Variants in SARNP observed in about 807,000 individuals in gnomAD.
The protein encoded by SARNP is SAP domain containing ribonucleoprotein, also known as SAP domain-containing ribonucleoprotein.
In SARNP, 5 loss-of-function variants were observed where a neutral mutation model predicts 38.1. The observed-to-expected ratio is 0.13, with a 90% confidence interval of 0.07 to 0.28. The LOEUF (loss-of-function observed/expected upper bound fraction) is 0.28. Ranked by LOEUF, SARNP falls within the 10% of genes least tolerant of loss-of-function variation. The pLI, the probability that SARNP is intolerant of heterozygous loss-of-function variation, is 1.00. For synonymous variants in SARNP, 84 were observed against 80.6 expected (o/e 1.04, Z -0.23); for missense variants, 180 against 243.9 (o/e 0.74, Z 1.75).
intron 1 of SARNP, among the ~76,000 whole-genome samples, chr12:55,804,356 G>A (rs533761426): frequency 1.3e-5 from 2 of 151,506 alleles, no homozygotes; most frequent in South Asian, 4.2e-4. Context: ...CAGACAATAG[G>A]AGGAAGGAGA....
At chr12:55,790,959 G>C (rs1303806998) in intron 7 of SARNP, among the ~76,000 whole-genome samples, 1 of 152,178 alleles carries the variant, frequency 6.6e-6, no homozygotes, top group Non-Finnish European at 1.5e-5. Context: ...CCCATCAACT[G>C]ATGACTGGCT....
intron 9 of SARNP, among the ~76,000 whole-genome samples, chr12:55,765,181 A>G (rs984756485): frequency 2.0e-5 from 3 of 152,180 alleles, no homozygotes; most frequent in Admixed American, 6.5e-5. Context: ...CACAGAGGAG[A>G]TAAGACTTTT....
intron 9 of SARNP, among the ~76,000 whole-genome samples, chr12:55,772,536 G>A (rs1879037691): frequency 6.6e-6 from 1 of 151,984 alleles, no homozygotes; most frequent in Non-Finnish European, 1.5e-5. Context: ...GCTGATTGTA[G>A]GACAAAGCAA....
chr12:55,789,183 C>G (rs781721220), intron 8 of SARNP, 40 bp from the exon 9 acceptor site: 48 of 1,435,030 alleles, frequency 3.3e-5, no homozygotes, highest in Non-Finnish European at 4.3e-5. Context: ...TTTAAAAAAT[C>G]AAAACGGAAA....
Position 55,803,661 on chromosome 12 carries a change from A to G in SARNP, c.104T>C (p.Ile35Thr). Residue 35 changes from isoleucine (I) to threonine (T), a missense_variant, in exon 2 of 11, where the codon ATC becomes ACC. This residue lies in a region of SARNP where 161 missense variants were observed against 194.1 expected (regional missense o/e 0.83). Transcript: ENST00000336133. ...LETKGIKQDL[I>T]HRLQAYLEEH... The stretch of plus-strand genomic sequence containing the variant: ...TTCAAGATATGCCTGGAGTCTGTGG[A>G]TAAGATCTTGCTTTATTCCCTTGGT... 1 of 1,613,484 alleles carries G rather than the reference A, an allele frequency of 6.2e-7. No homozygotes were observed. Among genetic ancestry groups the G allele is most frequent in the Non-Finnish European group, 8.5e-7 (1 of 1,179,538 alleles).
At position 55,817,720 on chromosome 12, in the gene SARNP, A is replaced by G. The variant is rs1484304259; in HGVS notation, c.-19T>C. The G allele has an allele frequency of 6.2e-7, 1 of 1,608,310 alleles. No individual in the cohort carries two copies. Among genetic ancestry groups the G allele is most frequent in the Admixed American group, 1.7e-5 (1 of 58,360 alleles). Reference sequence around the variant, plus strand: ...TCGCCATCTTGTTACCCCTCACTCCACTAGGCCCCCACCCGCGGCCTCCGC... The same window carrying G: ...TCGCCATCTTGTTACCCCTCACTCCGCTAGGCCCCCACCCGCGGCCTCCGC... On this transcript the variant is annotated 5_prime_UTR_variant, in exon 1 of 11. Transcript: ENST00000336133.
intron 9 of SARNP, among the ~76,000 whole-genome samples, chr12:55,766,823 T>C (rs1878851414): frequency 6.6e-6 from 1 of 152,136 alleles, no homozygotes; most frequent in Admixed American, 6.5e-5. Context: ...GGTTTCACCA[T>C]GTTGCCCAGG....
intron 9 of SARNP, among the ~76,000 whole-genome samples, chr12:55,775,927 C>T (rs1879168319): frequency 6.6e-6 from 1 of 152,156 alleles, no homozygotes; most frequent in South Asian, 2.1e-4. Context: ...CCCATTCTGC[C>T]ATTGCTCTCA....
At chr12:55,756,420 G>C (rs1231187149), downstream of SARNP, 1 of 152,146 alleles carries the variant, frequency 6.6e-6, no homozygotes, top group Non-Finnish European at 1.5e-5. Context: ...CTTGACATTA[G>C]AAAGGTGATC....
At chr12:55,793,808 A>G (rs966561743) in intron 7 of SARNP, 3 of 152,508 alleles carry the variant, frequency 2.0e-5, no homozygotes, top group African/African-American at 7.2e-5. Context: ...ATATCTTTCA[A>G]TATTATTTCA....
intron 4 of SARNP, among the ~76,000 whole-genome samples, chr12:55,797,175 T>C (rs1457875807): frequency 6.6e-6 from 1 of 152,204 alleles, no homozygotes; most frequent in East Asian, 1.9e-4. Context: ...AAGGTAGTAA[T>C]GGTTTAATGA....
chr12:55,800,812 G>A lies in SARNP; in HGVS notation c.183+42C>T, dbSNP rs1376463709. The A allele has an allele frequency of 8.4e-6, 13 of 1,539,612 alleles. No homozygotes were observed. In the African/African-American group the frequency reaches 1.5e-4, roughly 18 times the overall value. ...ATGTTAAAGCAATGTGGCCAAAGCA[G>A]TGGCACATTACCAGAGACTAACCTT... On this transcript the variant is annotated intron_variant, in intron 3 of 10. Coordinates refer to ENST00000336133, the MANE Select transcript of SARNP (RefSeq NM_033082.4).
At chr12:55,788,341 T>G (rs954563777) in intron 9 of SARNP, among the ~76,000 whole-genome samples, 1 of 152,196 alleles carries the variant, frequency 6.6e-6, no homozygotes, top group East Asian at 1.9e-4. Context: ...TTTTTTTTTT[T>G]GTTCCACCAA....
intron 9 of SARNP, among the ~76,000 whole-genome samples, chr12:55,761,378 G>C (rs1177852762): frequency 6.6e-6 from 1 of 152,134 alleles, no homozygotes; most frequent in African/African-American, 2.4e-5. Context: ...GAAAGAAAGG[G>C]GAAGAGGGCC....
intron 1 of SARNP, among the ~76,000 whole-genome samples, chr12:55,814,574 A>C (rs1488771434): frequency 2.0e-5 from 3 of 152,140 alleles, no homozygotes; most frequent in Non-Finnish European, 2.9e-5. Flanking sequence ...TCTCTTTCCA[A>C]ATGTGTTAGT....
In SARNP at chr12:55,763,550, C is replaced by T. The variant is rs185730583; in HGVS notation, c.502-2910G>A. On this transcript the variant is annotated intron_variant, in intron 9 of 10. Transcript: ENST00000336133. ...CTCGAACTCCTGACCTCAGGTGATCCGCCCACTTCGCCTTCCAAAGTGTTG... is the reference window on the plus strand; with the variant it reads ...CTCGAACTCCTGACCTCAGGTGATCTGCCCACTTCGCCTTCCAAAGTGTTG... Among the ~76,000 whole-genome samples, 13 of 152,266 alleles carry T rather than the reference C, an allele frequency of 8.5e-5. No individual in the cohort carries two copies. The East Asian group carries it at 2.3e-3, about 27-fold the overall frequency.
At chr12:55,815,716 G>T (rs546963648) in intron 1 of SARNP, among the ~76,000 whole-genome samples, 3 of 152,142 alleles carry the variant, frequency 2.0e-5, no homozygotes, top group African/African-American at 7.2e-5. Flanking sequence ...CGCCCGCCTA[G>T]GCCTCCCAAA....
At position 55,800,533 on chromosome 12, in the gene SARNP, T is replaced by C. The variant is rs185359899; in HGVS notation, c.251+29A>G. 1,236 of 1,438,176 alleles carry C rather than the reference T, an allele frequency of 8.6e-4. 2 individuals are homozygous for C. Among genetic ancestry groups the C allele is most frequent in the Non-Finnish European group, 1.1e-3 (1,158 of 1,028,218 alleles). The allele number at this position is 1,438,176 out of a possible 1,614,324, so 89.1% of individuals were successfully genotyped here. On this transcript the variant is annotated intron_variant, in intron 4 of 10. Coordinates refer to ENST00000336133, the MANE Select transcript of SARNP (RefSeq NM_033082.4). ...ATTAAGAAAAGAGCTGCCTGCTCTG[T>C]ACTCAGATTATAAAAAAGGGATAAT...
At chr12:55,806,001 C>T (rs909548100) in intron 1 of SARNP, among the ~76,000 whole-genome samples, 2 of 151,092 alleles carry the variant, frequency 1.3e-5, no homozygotes, top group Non-Finnish European at 2.9e-5. Context: ...CACATCATTG[C>T]GCTCCAGCCT....
Sources: gnomAD v4.1 joint callset for allele counts (sites outside exome capture counted in the v4.1 genomes callset) on GRCh38, gnomAD v4.1.1 for gene constraint, gnomAD v4.1.1 regional missense constraint, MANE v1.5 for transcripts, NCBI Gene and HGNC (gene_info 2026-07-23, HGNC 2026-07-21) for gene names.